Variants in NAALADL2 observed in about 807,000 individuals in gnomAD.
The protein encoded by NAALADL2 is inactive N-acetylated-alpha-linked acidic dipeptidase-like protein 2.
A neutral mutation model predicts 87.2 loss-of-function variants in NAALADL2; 76 were observed. The ratio of observed to expected loss-of-function variants is 0.87; its 90% CI spans 0.72 to 1.05. The LOEUF is 1.05. NAALADL2 is among the 50% of genes least tolerant of loss of function. NAALADL2 has a pLI of 0.00. For synonymous variants in NAALADL2, 354 were observed against 331.0 expected (o/e 1.07, Z -0.75); for missense variants, 1,089 against 945.8 (o/e 1.15, Z -1.99).
intron 2 of NAALADL2, among the ~76,000 whole-genome samples, chr3:175,171,593 C>T (rs1305172734): frequency 6.6e-6 from 1 of 152,072 alleles, no homozygotes; most frequent in African/African-American, 2.4e-5. Flanking sequence ...TGAAACTCCT[C>T]TGTCTAGCTA....
intron 3 of NAALADL2, among the ~76,000 whole-genome samples, chr3:174,782,125 C>T (rs1426704238): frequency 6.6e-6 from 1 of 152,038 alleles, no homozygotes; most frequent in South Asian, 2.1e-4. Flanking sequence ...CTGCTGAGAA[C>T]AGTTTACTCT....
intron 11 of NAALADL2, among the ~76,000 whole-genome samples, chr3:175,726,538 A>G (rs183165440): frequency 5.9e-5 from 9 of 152,222 alleles, no homozygotes; most frequent in Admixed American, 4.6e-4. Context: ...ACTAGCTCTA[A>G]GGTTTTCTCC....
intron 13 of NAALADL2, among the ~76,000 whole-genome samples, chr3:175,779,248 A>G (rs1449242134): frequency 6.6e-6 from 1 of 152,020 alleles, no homozygotes; most frequent in Non-Finnish European, 1.5e-5. Flanking sequence ...CACTTCTTGC[A>G]TCTGCTGTTT....
chr3:175,557,281 G>A (rs770126885), intron 9 of NAALADL2, among the ~76,000 whole-genome samples: 13 of 152,014 alleles, frequency 8.6e-5, no homozygotes, highest in Non-Finnish European at 1.8e-4. Context: ...GTACATGGTA[G>A]TTGTATATAT....
At chr3:175,595,038 A>G (rs746920053) in intron 10 of NAALADL2, among the ~76,000 whole-genome samples, 13 of 151,876 alleles carry the variant, frequency 8.6e-5, no homozygotes, top group Non-Finnish European at 1.6e-4. Context: ...TTTTCTTGTA[A>G]TTACTTTGGG....
At chr3:175,017,791 C>T (rs1751045350) in intron 1 of NAALADL2, among the ~76,000 whole-genome samples, 1 of 152,096 alleles carries the variant, frequency 6.6e-6, no homozygotes, top group Admixed American at 6.6e-5. Flanking sequence ...CATTTTTCTA[C>T]TGTCTTCTCT....
chr3:174,686,163 A>G (rs892047530), intron 2 of NAALADL2, among the ~76,000 whole-genome samples: 14 of 152,074 alleles, frequency 9.2e-5, no homozygotes, highest in South Asian at 6.2e-4. Context: ...AGAATGATAT[A>G]TATTCCTTTG....
chr3:175,336,435 C>G (rs921961904), intron 5 of NAALADL2, among the ~76,000 whole-genome samples: 1 of 152,168 alleles, frequency 6.6e-6, no homozygotes, highest in African/African-American at 2.4e-5. Flanking sequence ...GGCCTTCCTG[C>G]TACGAATCCT....
chr3:174,480,417 A>G (rs1717478686), intron 1 of NAALADL2, among the ~76,000 whole-genome samples: 1 of 151,974 alleles, frequency 6.6e-6, no homozygotes, highest in South Asian at 2.1e-4. Context: ...GAATGGTCCC[A>G]CCCTACCCAC....
At chr3:175,656,104 A>G (rs1731427206) in intron 11 of NAALADL2, among the ~76,000 whole-genome samples, 2 of 152,200 alleles carry the variant, frequency 1.3e-5, no homozygotes, top group African/African-American at 2.4e-5. Context: ...CAAAATGCCA[A>G]ACTTAAGTCT....
At chr3:175,136,210 G>C (rs988094711) in intron 2 of NAALADL2, among the ~76,000 whole-genome samples, 31 of 152,246 alleles carry the variant, frequency 2.0e-4, no homozygotes, top group African/African-American at 7.0e-4. Context: ...GAGAAAGAAG[G>C]CTGGGAAAAC....
chr3:175,590,923 G>GAT (rs1721356142), intron 10 of NAALADL2, among the ~76,000 whole-genome samples: 3 of 152,108 alleles, frequency 2.0e-5, no homozygotes, highest in Admixed American at 6.6e-5. Context: ...AGGGATGAAG[G>GAT]GGGGTGCGAA....
chr3:175,401,862 A>G (rs892474523), intron 5 of NAALADL2, among the ~76,000 whole-genome samples: 1 of 152,256 alleles, frequency 6.6e-6, no homozygotes, highest in South Asian at 2.1e-4. Context: ...AGCTCCTTCC[A>G]TGTAAGCATA....
chr3:175,107,040 C>A (rs529340899), intron 2 of NAALADL2, among the ~76,000 whole-genome samples: 3 of 152,038 alleles, frequency 2.0e-5, no homozygotes, highest in Non-Finnish European at 1.5e-5. Context: ...AACACCCTCA[C>A]TCTACTGTCC....
chr3:175,419,086 A>G (rs570730638), intron 5 of NAALADL2, among the ~76,000 whole-genome samples: 1 of 151,814 alleles, frequency 6.6e-6, no homozygotes, highest in African/African-American at 2.4e-5. Flanking sequence ...CAGACCTGTC[A>G]AGTGTCAGAG....
intron 3 of NAALADL2, among the ~76,000 whole-genome samples, chr3:174,762,815 G>A (rs984526030): frequency 6.6e-6 from 1 of 151,874 alleles, no homozygotes; most frequent in East Asian, 1.9e-4. Flanking sequence ...CAACTACAGT[G>A]CCAATAATAA....
chr3:175,195,958 G>C (rs983791300), intron 2 of NAALADL2, among the ~76,000 whole-genome samples: 1 of 151,806 alleles, frequency 6.6e-6, no homozygotes, highest in East Asian at 1.9e-4. Flanking sequence ...ACTGAATAAA[G>C]AGCTTATATT....
At position 175,059,667 on chromosome 3, in the gene NAALADL2, A is replaced by G. The variant is rs570415709; in HGVS notation, c.44-37123A>G. On this transcript the variant is annotated intron_variant, in intron 1 of 13. Transcript: ENST00000454872. ...TTCTTTGATTCATTCTGGGCAAGCC[A>G]TTCTTCCATTAACCTCTTTGCTGCT... 3.3e-4 allele frequency: 113 copies of G among 342,884 alleles called. 1 individual carries two copies. In the Middle Eastern group the frequency reaches 5.5e-3, roughly 17 times the overall value. 21.2% of individuals were successfully genotyped at this position (342,884 alleles called of 1,614,324 possible). A position where few individuals can be genotyped will look rare whatever the true frequency, so the allele number is the denominator to read the frequency against.
chr3:174,658,258 G>A (rs539397901), intron 2 of NAALADL2, among the ~76,000 whole-genome samples: 3 of 152,064 alleles, frequency 2.0e-5, no homozygotes, highest in Non-Finnish European at 2.9e-5. Flanking sequence ...AGTTCTTTGT[G>A]CTCCATTTCT....
Sources: gnomAD v4.1 joint callset for allele counts (sites outside exome capture counted in the v4.1 genomes callset) on GRCh38, gnomAD v4.1.1 for gene constraint, MANE v1.5 for transcripts, NCBI Gene and HGNC (gene_info 2026-07-23, HGNC 2026-07-21) for gene names.